The following GABRR1 variants were observed in gnomAD, a reference collection of about 807,000 sequenced individuals.
GABRR1 encodes the protein gamma-aminobutyric acid type A receptor subunit rho1, also known as gamma-aminobutyric acid receptor subunit rho-1.
GABRR1 carries 59 observed loss-of-function variants against 55.5 expected under a neutral mutation model. The observed-to-expected ratio is 1.06, with a 90% CI of 0.86 to 1.32. The LOEUF (loss-of-function observed/expected upper bound fraction) is 1.32, where lower values mean the gene tolerates loss of function less well. GABRR1 is among the 40% of genes most tolerant of loss of function. The probability of loss-of-function intolerance (pLI) is 0.00; values close to 1 mark genes in which losing one functional copy is unlikely to be tolerated. For missense variants in GABRR1, 602 were observed against 619.1 expected (o/e 0.97, Z 0.29); for synonymous variants, 213 against 226.0 (o/e 0.94, Z 0.51).
intron 5 of GABRR1, among the ~76,000 whole-genome samples, chr6:89,190,859 G>A (rs1484883250): frequency 6.6e-6 from 1 of 152,224 alleles, no homozygotes; most frequent in Non-Finnish European, 1.5e-5. Flanking sequence ...CTGGCATTGA[G>A]TGATTTTATT....
At chr6:89,179,108 T>C in intron 9 of GABRR1, 45 bp from the exon 10 acceptor site, 1 of 1,579,894 alleles carries the variant, frequency 6.3e-7, no homozygotes, top group Non-Finnish European at 8.6e-7. Context: ...CAGCATCATC[T>C]CTCAGAAGCC....
At chr6:89,188,332 A>G (rs1333272320) in intron 6 of GABRR1, among the ~76,000 whole-genome samples, 1 of 152,060 alleles carries the variant, frequency 6.6e-6, no homozygotes, top group African/African-American at 2.4e-5. Context: ...CCATTGTTTT[A>G]ATTTTTTGAG....
chr6:89,222,695 A>T (rs1046854049), intron 1 of GABRR1, among the ~76,000 whole-genome samples: 2 of 152,024 alleles, frequency 1.3e-5, no homozygotes, highest in African/African-American at 4.8e-5. Context: ...TGTTGGTGTC[A>T]CTCTGAAAGC....
chr6:89,205,969 C>T (rs188451765), intron 1 of GABRR1, among the ~76,000 whole-genome samples: 4 of 149,416 alleles, frequency 2.7e-5, no homozygotes, highest in Admixed American at 2.7e-4. Context: ...CAGACATGTA[C>T]TGCTCATAGG....
intron 1 of GABRR1, among the ~76,000 whole-genome samples, chr6:89,210,382 T>C (rs1050270174): frequency 6.6e-6 from 1 of 151,764 alleles, no homozygotes; most frequent in Non-Finnish European, 1.5e-5. Flanking sequence ...TTTGTAGAAA[T>C]GGGGTTTCAC....
intron 2 of GABRR1, among the ~76,000 whole-genome samples, chr6:89,202,650 T>C (rs1582395861): frequency 6.6e-6 from 1 of 152,054 alleles, no homozygotes; most frequent in East Asian, 1.9e-4. Context: ...TATACAAGTA[T>C]ATACAGACAT....
At chr6:89,199,458 ACT>A (rs1562299842) in intron 3 of GABRR1, 29 bp from the exon 4 acceptor site, 2 of 1,605,758 alleles carry the variant, frequency 1.2e-6, no homozygotes, top group South Asian at 1.1e-5. Context: ...AAGAGCATTC[ACT>A]GTTTTTACTT....
intron 1 of GABRR1, among the ~76,000 whole-genome samples, chr6:89,228,439 C>T (rs1339621979): frequency 6.0e-5 from 1 of 16,782 alleles, no homozygotes; most frequent in Non-Finnish European, 1.2e-4. Flanking sequence ...GCTTTGAATG[C>T]GTCCCAGAGA....
At chr6:89,181,813 G>A (rs893102521) in intron 8 of GABRR1, 92 bp downstream of exon 8, 1 of 1,276,212 alleles carries the variant, frequency 7.8e-7, no homozygotes, top group Non-Finnish European at 1.1e-6. Context: ...AAGGGATACA[G>A]AATCAATTTG....
chr6:89,181,627 A>T (rs1365379014), intron 8 of GABRR1, among the ~76,000 whole-genome samples: 3 of 152,188 alleles, frequency 2.0e-5, no homozygotes, highest in African/African-American at 7.2e-5. Flanking sequence ...TGAGCAAAGA[A>T]GGCACCTAAA....
At chr6:89,228,728 A>G (rs1295209200) in intron 1 of GABRR1, among the ~76,000 whole-genome samples, 9 of 146,054 alleles carry the variant, frequency 6.2e-5, no homozygotes, top group African/African-American at 2.3e-4. Context: ...GTGCTGAAAA[A>G]AATGTATATT....
chr6:89,216,010 C>T (rs896807084), intron 1 of GABRR1, among the ~76,000 whole-genome samples: 14 of 152,182 alleles, frequency 9.2e-5, no homozygotes, highest in Non-Finnish European at 8.8e-5. Flanking sequence ...ATAATCTCTA[C>T]GGCTGCACCA....
At chr6:89,185,566 A>T in intron 6 of GABRR1, 116 bp from the exon 7 acceptor site, 1 of 887,154 alleles carries the variant, frequency 1.1e-6, no homozygotes, top group Non-Finnish European at 1.8e-6. Flanking sequence ...TTGTGATATG[A>T]TAGTTTGAAA....
chr6:89,222,725 G>A (rs1396542359), intron 1 of GABRR1, among the ~76,000 whole-genome samples: 4 of 152,110 alleles, frequency 2.6e-5, no homozygotes, highest in African/African-American at 9.7e-5. Context: ...ATTAATTTAC[G>A]ATCATGACAA....
chr6:89,202,343 G>A (rs1772506203), intron 2 of GABRR1, among the ~76,000 whole-genome samples: 1 of 152,088 alleles, frequency 6.6e-6, no homozygotes, highest in Non-Finnish European at 1.5e-5. Flanking sequence ...CCAGGCTGGA[G>A]TGCAGTGGTG....
At chr6:89,203,801 C>T (rs2150817) in intron 1 of GABRR1, among the ~76,000 whole-genome samples, 106,242 of 152,104 alleles carry the variant, frequency 0.7, 37,403 homozygotes, top group East Asian at 0.92. Flanking sequence ...GATGTGTACA[C>T]TTTAACTTTG....
chr6:89,215,882 C>T (rs989970851), intron 1 of GABRR1, among the ~76,000 whole-genome samples: 11 of 152,144 alleles, frequency 7.2e-5, no homozygotes, highest in East Asian at 5.8e-4. Context: ...TCTTAATCAC[C>T]GATATTTGCA....
In GABRR1 at chr6:89,207,441, C is replaced by T. The variant is rs141463987; in HGVS notation, c.123-3956G>A. Among the ~76,000 whole-genome samples, 811 of 152,184 alleles carry T rather than the reference C, an allele frequency of 5.3e-3. 4 individuals carry two copies. The highest frequency in any genetic ancestry group is 0.019 in the African/African-American group (784 of 41,512). ...AACCCCTGAGCTCAAGCGATCTGCC[C>T]GCCTCGGCCTCCCAAAATGCTGGGA... On this transcript the variant is annotated intron_variant, in intron 1 of 9. Coordinates refer to ENST00000454853, the MANE Select transcript of GABRR1 (RefSeq NM_002042.5).
chr6:89,203,250 G>A (rs989683318), intron 2 of GABRR1, among the ~76,000 whole-genome samples, 185 bp downstream of exon 2: 8 of 152,116 alleles, frequency 5.3e-5, no homozygotes, highest in Admixed American at 2.0e-4. Context: ...TCACCAGCTC[G>A]ATCCAGGAGC....
Sources: allele counts gnomAD v4.1 joint callset (sites outside exome capture counted in the v4.1 genomes callset), GRCh38; gene constraint gnomAD v4.1.1; transcripts MANE v1.5; gene names NCBI Gene and HGNC (gene_info 2026-07-23, HGNC 2026-07-21).